Variants in UBE2E2 observed in about 807,000 individuals in gnomAD.
UBE2E2 encodes the protein ubiquitin-conjugating enzyme E2 E2.
Under a neutral mutation model 24.7 loss-of-function variants are expected in UBE2E2, and 6 were observed. The ratio of observed to expected loss-of-function variants is 0.24; its 90% confidence interval spans 0.13 to 0.48. The LOEUF (loss-of-function observed/expected upper bound fraction) is 0.48, where lower values mean the gene tolerates loss of function less well. Ranked by LOEUF, UBE2E2 falls within the 20% of genes least tolerant of loss-of-function variation. UBE2E2 has a pLI of 0.99. For synonymous variants in UBE2E2, 104 were observed against 83.6 expected (o/e 1.24, Z -1.33); for missense variants, 169 against 245.0 (o/e 0.69, Z 2.07).
At chr3:23,515,635 A>T (rs1165562244) in intron 4 of UBE2E2, among the ~76,000 whole-genome samples, 2 of 152,234 alleles carry the variant, frequency 1.3e-5, no homozygotes, top group South Asian at 2.1e-4. Flanking sequence ...ATACGTTCTC[A>T]TTAATTAAGA....
intron 3 of UBE2E2, among the ~76,000 whole-genome samples, chr3:23,461,765 G>A (rs1467289642): frequency 6.6e-6 from 1 of 152,070 alleles, no homozygotes; most frequent in Non-Finnish European, 1.5e-5. Flanking sequence ...CCAGGATTAT[G>A]CTATTGCATA....
chr3:23,332,687 G>GTT (rs1164729477), intron 3 of UBE2E2, among the ~76,000 whole-genome samples: 7 of 145,592 alleles, frequency 4.8e-5, no homozygotes, highest in African/African-American at 1.5e-4. Flanking sequence ...GTGTGTGTGT[G>GTT]TGTGTGTGTG....
chr3:23,549,733 G>A (rs1361609070), intron 5 of UBE2E2, among the ~76,000 whole-genome samples: 1 of 152,032 alleles, frequency 6.6e-6, no homozygotes, highest in Non-Finnish European at 1.5e-5. Flanking sequence ...CCTTTGAGAT[G>A]TCTAAAAAAG....
At chr3:23,523,629 G>A (rs974784399) in intron 4 of UBE2E2, among the ~76,000 whole-genome samples, 1 of 145,852 alleles carries the variant, frequency 6.9e-6, no homozygotes. Flanking sequence ...GGGGCTGGGG[G>A]AAGGTGGTGT....
At chr3:23,269,246 A>G (rs962509407) in intron 3 of UBE2E2, among the ~76,000 whole-genome samples, 5 of 152,198 alleles carry the variant, frequency 3.3e-5, no homozygotes, top group South Asian at 2.1e-4. Flanking sequence ...AAAAGAAACT[A>G]CCATCAGAGT....
At chr3:23,300,540 T>C (rs907190854) in intron 3 of UBE2E2, among the ~76,000 whole-genome samples, 8 of 152,200 alleles carry the variant, frequency 5.3e-5, no homozygotes, top group Non-Finnish European at 1.2e-4. Context: ...CCTTCACTTA[T>C]GAAGCTTAGT....
chr3:23,236,573 C>G (rs1479505777), intron 3 of UBE2E2, among the ~76,000 whole-genome samples: 1 of 150,150 alleles, frequency 6.7e-6, no homozygotes, highest in African/African-American at 2.5e-5. Flanking sequence ...GATTATTTCT[C>G]ACAGGAGAAG....
chr3:23,238,849 G>A (rs761826331), intron 3 of UBE2E2, among the ~76,000 whole-genome samples: 1 of 152,116 alleles, frequency 6.6e-6, no homozygotes, highest in Non-Finnish European at 1.5e-5. Flanking sequence ...TAGGTGTGGA[G>A]TTTCCCACTT....
chr3:23,462,851 G>C (rs551200195), intron 3 of UBE2E2, among the ~76,000 whole-genome samples: 7 of 152,200 alleles, frequency 4.6e-5, no homozygotes, highest in African/African-American at 1.7e-4. Flanking sequence ...TATCAGCATT[G>C]TGGCTTTGGG....
At chr3:23,363,850 CA>C (rs1269834484) in intron 3 of UBE2E2, among the ~76,000 whole-genome samples, 1 of 151,886 alleles carries the variant, frequency 6.6e-6, no homozygotes, top group East Asian at 1.9e-4. Flanking sequence ...ACATTCTTCT[CA>C]TCTGCACATG....
chr3:23,576,814 G>C (rs1559427388), intron 5 of UBE2E2, among the ~76,000 whole-genome samples: 1 of 152,118 alleles, frequency 6.6e-6, no homozygotes, highest in Non-Finnish European at 1.5e-5. Flanking sequence ...ATGAGTGCAT[G>C]GGCTCCCGTC....
At chr3:23,477,272 TATG>T in intron 3 of UBE2E2, among the ~76,000 whole-genome samples, 1 of 152,368 alleles carries the variant, frequency 6.6e-6, no homozygotes, top group East Asian at 1.9e-4. Flanking sequence ...GGAGCTTTTG[TATG>T]ATTAGTTTTG....
chr3:23,566,363 G>T (rs1696072457), intron 5 of UBE2E2, among the ~76,000 whole-genome samples: 1 of 152,194 alleles, frequency 6.6e-6, no homozygotes, highest in South Asian at 2.1e-4. Flanking sequence ...GGTTTTTGAA[G>T]AGCGAAGTTG....
intron 3 of UBE2E2, among the ~76,000 whole-genome samples, chr3:23,403,749 G>A (rs1168486575): frequency 1.3e-5 from 2 of 151,222 alleles, no homozygotes; most frequent in African/African-American, 2.4e-5. Flanking sequence ...GCTTGAACCC[G>A]GGAGGTGGAG....
chr3:23,338,084 C>G (rs1157814225), intron 3 of UBE2E2, among the ~76,000 whole-genome samples: 2 of 152,210 alleles, frequency 1.3e-5, no homozygotes, highest in East Asian at 3.9e-4. Flanking sequence ...AAGATTTCTT[C>G]CTGGTGTTGC....
intron 3 of UBE2E2, among the ~76,000 whole-genome samples, chr3:23,325,949 C>G (rs1436580821): frequency 1.3e-5 from 2 of 152,162 alleles, no homozygotes; most frequent in East Asian, 3.8e-4. Context: ...TATTTTTAAC[C>G]TGATACTTTT....
At chr3:23,304,849 T>A (rs1170608492) in intron 3 of UBE2E2, among the ~76,000 whole-genome samples, 1 of 151,036 alleles carries the variant, frequency 6.6e-6, no homozygotes, top group African/African-American at 2.4e-5. Flanking sequence ...CACTTATTCA[T>A]TGGAGTGTGT....
At chr3:23,260,965 T>G (rs1019784085) in intron 3 of UBE2E2, among the ~76,000 whole-genome samples, 1 of 152,010 alleles carries the variant, frequency 6.6e-6, no homozygotes. Flanking sequence ...TACCTGGGCG[T>G]GGTGGCATGT....
intron 3 of UBE2E2, among the ~76,000 whole-genome samples, chr3:23,369,729 A>G (rs150232303): frequency 1.2e-3 from 189 of 152,300 alleles, no homozygotes; most frequent in African/African-American, 4.3e-3. Flanking sequence ...TTAAGGTCCT[A>G]TGAGTCTCCT....
Sources: gnomAD v4.1 joint callset for allele counts (sites outside exome capture counted in the v4.1 genomes callset) on GRCh38, gnomAD v4.1.1 for gene constraint, MANE v1.5 for transcripts, NCBI Gene and HGNC (gene_info 2026-07-23, HGNC 2026-07-21) for gene names.